Variants in COLEC10 observed in about 807,000 individuals in gnomAD.
The protein encoded by COLEC10 is collectin subfamily member 10.
Under a neutral mutation model 28.4 loss-of-function variants are expected in COLEC10, and 22 were observed. That is an observed-to-expected ratio of 0.78 (90% CI 0.55 to 1.11). The LOEUF (loss-of-function observed/expected upper bound fraction) is 1.11. Ranked by LOEUF, COLEC10 falls within the 50% of genes least tolerant of loss-of-function variation. COLEC10 has a pLI of 0.00. For missense variants in COLEC10, 361 were observed against 344.1 expected, an observed-to-expected ratio of 1.05 and a Z score of -0.39; for synonymous variants, 125 against 116.1, an observed-to-expected ratio of 1.08 and a Z score of -0.49.
chr8:118,973,180 T>C, the COLEC10 span, among the ~76,000 whole-genome samples: 10 of 151,992 alleles, frequency 6.6e-5, no homozygotes. Context: ...GCTTCCTAAC[T>C]GTTCTCTCAG....
chr8:119,037,641 G>A (rs1296587356), intron 2 of COLEC10, among the ~76,000 whole-genome samples: 1 of 152,202 alleles, frequency 6.6e-6, no homozygotes, highest in Non-Finnish European at 1.5e-5. Context: ...CATGAGTGAT[G>A]AGAGAAATTC....
the COLEC10 span, among the ~76,000 whole-genome samples, chr8:118,966,866 C>A: frequency 6.6e-6 from 1 of 152,058 alleles, no homozygotes; most frequent in African/African-American, 2.4e-5. Flanking sequence ...ACGTTTAAGC[C>A]TTTCTAATTT....
the COLEC10 span, among the ~76,000 whole-genome samples, chr8:118,988,593 C>T: frequency 3.5e-3 from 539 of 152,208 alleles, no homozygotes; most frequent in Non-Finnish European, 5.8e-3. Context: ...AAGGTCACTG[C>T]CCTGAGTCAC....
chr8:118,991,171 A>G (rs1021976809), upstream of COLEC10, among the ~76,000 whole-genome samples: 4 of 152,144 alleles, frequency 2.6e-5, no homozygotes, highest in African/African-American at 9.7e-5. Context: ...TATATCATTT[A>G]TGATCTGGAG....
intron 2 of COLEC10, among the ~76,000 whole-genome samples, chr8:119,056,617 C>T (rs1459858194): frequency 2.0e-5 from 3 of 151,480 alleles, no homozygotes; most frequent in Non-Finnish European, 4.4e-5. Context: ...GTCCATATTC[C>T]TTATTATCTG....
At chr8:119,072,533 A>G (rs1349779795) in intron 1 of COLEC10, among the ~76,000 whole-genome samples, 1 of 152,232 alleles carries the variant, frequency 6.6e-6, no homozygotes, top group Non-Finnish European at 1.5e-5. Context: ...TCAAGGCCAC[A>G]GAGCCAGAAG....
At chr8:119,058,975 T>C (rs538825543) in intron 2 of COLEC10, among the ~76,000 whole-genome samples, 4 of 152,198 alleles carry the variant, frequency 2.6e-5, no homozygotes, top group African/African-American at 9.6e-5. Flanking sequence ...TATATAGTGA[T>C]ATCTCATTGA....
chr8:118,968,373 C>G, the COLEC10 span, among the ~76,000 whole-genome samples: 1 of 151,856 alleles, frequency 6.6e-6, no homozygotes, highest in Non-Finnish European at 1.5e-5. Flanking sequence ...GCTAAACCAT[C>G]TGGTTATGCA....
At chr8:118,981,027 C>CTATA in the COLEC10 span, among the ~76,000 whole-genome samples, 11 of 148,636 alleles carry the variant, frequency 7.4e-5, no homozygotes, top group Admixed American at 4.7e-4. Flanking sequence ...GGTAGTTTTC[C>CTATA]TATATATATA....
intron 1 of COLEC10, among the ~76,000 whole-genome samples, chr8:119,074,511 G>A (rs1251319067): frequency 1.3e-5 from 2 of 152,134 alleles, no homozygotes; most frequent in Non-Finnish European, 2.9e-5. Flanking sequence ...GACATGTCTA[G>A]TATATAGCTT....
chr8:118,957,373 T>A, the COLEC10 span, among the ~76,000 whole-genome samples: 1 of 152,236 alleles, frequency 6.6e-6, no homozygotes, highest in East Asian at 1.9e-4. Context: ...TATGAAGGCC[T>A]ACTTTAGCTG....
intron 2 of COLEC10, among the ~76,000 whole-genome samples, chr8:119,056,540 T>G (rs868235956): frequency 6.6e-6 from 1 of 152,064 alleles, no homozygotes; most frequent in African/African-American, 2.4e-5. Context: ...CAAAAAATAG[T>G]AAAGCCAGAA....
At chr8:119,096,800 CA>C (rs1466144479) in intron 3 of COLEC10, among the ~76,000 whole-genome samples, 1 of 151,732 alleles carries the variant, frequency 6.6e-6, no homozygotes, top group African/African-American at 2.4e-5. Flanking sequence ...AGTCACTTAA[CA>C]AAAGAACATA....
chr8:119,036,210 A>T (rs976721807), intron 2 of COLEC10, among the ~76,000 whole-genome samples: 3 of 152,204 alleles, frequency 2.0e-5, no homozygotes, highest in African/African-American at 4.8e-5. Flanking sequence ...GAAGAAATTT[A>T]AAAAAACAAA....
intron 2 of COLEC10, among the ~76,000 whole-genome samples, chr8:119,013,110 T>C (rs1813929580): frequency 6.6e-6 from 1 of 150,572 alleles, no homozygotes; most frequent in Admixed American, 6.6e-5. Flanking sequence ...ATTATTTTCC[T>C]TCTAAGCACT....
upstream of COLEC10, among the ~76,000 whole-genome samples, chr8:118,991,974 T>C (rs1813512518): frequency 1.3e-5 from 2 of 152,112 alleles, no homozygotes; most frequent in Non-Finnish European, 2.9e-5. Flanking sequence ...ATTCTTCTTG[T>C]AGGAGGCACA....
chr8:118,979,808 G>A, the COLEC10 span, among the ~76,000 whole-genome samples: 1 of 152,030 alleles, frequency 6.6e-6, no homozygotes, highest in Non-Finnish European at 1.5e-5. Flanking sequence ...AATTCTGTGA[G>A]GCTGCAGTCA....
At chr8:119,059,672 G>A (rs767120183) in intron 2 of COLEC10, among the ~76,000 whole-genome samples, 15 of 152,044 alleles carry the variant, frequency 9.9e-5, no homozygotes, top group Non-Finnish European at 1.8e-4. Context: ...CAACTGCCAT[G>A]AGGAGAGAGG....
chr8:118,973,153 C>G, the COLEC10 span, among the ~76,000 whole-genome samples: 2 of 151,968 alleles, frequency 1.3e-5, no homozygotes, highest in Admixed American at 6.6e-5. Flanking sequence ...ATACTTCTCA[C>G]CAGAATCATG....
Sources: allele counts gnomAD v4.1 joint callset (sites outside exome capture counted in the v4.1 genomes callset), GRCh38; gene constraint gnomAD v4.1.1; transcripts MANE v1.5; gene names NCBI Gene and HGNC (gene_info 2026-07-23, HGNC 2026-07-21).